CCDC171: variants seen among roughly 807,000 people sequenced by gnomAD.
The protein encoded by CCDC171 is coiled-coil domain-containing protein 171.
In CCDC171, 177 loss-of-function variants were observed where a neutral mutation model predicts 168.2. That is an observed-to-expected ratio of 1.05 (90% CI 0.93 to 1.19). The LOEUF is 1.19. Among genes scored for constraint, CCDC171 ranks in the 50% most tolerant of loss-of-function variants. The pLI is 0.00. For missense variants in CCDC171, 1,991 were observed against 1,539.0 expected (o/e 1.29, Z -4.91); for synonymous variants, 687 against 540.8 (o/e 1.27, Z -3.75).
At chr9:15,965,904 G>T (rs75977270) in intron 25 of CCDC171, among the ~76,000 whole-genome samples, 68 of 152,228 alleles carry the variant, frequency 4.5e-4, no homozygotes, top group African/African-American at 1.6e-3. Flanking sequence ...ATTAATCTTT[G>T]CTAAATCTAA....
intron 25 of CCDC171, among the ~76,000 whole-genome samples, chr9:15,940,954 C>T (rs115845224): frequency 9.1e-4 from 139 of 152,044 alleles, no homozygotes; most frequent in African/African-American, 3.1e-3. Context: ...CTGGTAGTTC[C>T]CACGACTGTA....
At chr9:15,639,276 T>C (rs2046418498) in intron 7 of CCDC171, among the ~76,000 whole-genome samples, 1 of 152,086 alleles carries the variant, frequency 6.6e-6, no homozygotes, top group Non-Finnish European at 1.5e-5. Context: ...TCACCTGTGT[T>C]ATACAGTCAT....
chr9:15,758,983 T>TA lies in CCDC171; in HGVS notation c.2671+13353dup, dbSNP rs527769918. ...TATCAGCAGTGTGAAAACAGACTAA[T>TA]ACAGTGGCCTCCAGCTGCATCCATG... On this transcript the variant is annotated intron_variant, in intron 18 of 25. Transcript: ENST00000380701. 2.8e-3 allele frequency among the ~76,000 whole-genome samples: 419 copies of TA among 152,330 alleles called. 2 individuals carry two copies. Among genetic ancestry groups the TA allele is most frequent in the African/African-American group, 9.5e-3 (393 of 41,572 alleles).
At chr9:15,626,831 A>C (rs188244473) in intron 7 of CCDC171, among the ~76,000 whole-genome samples, 2 of 152,334 alleles carry the variant, frequency 1.3e-5, no homozygotes, top group East Asian at 3.8e-4. Context: ...CTGGCCTCAT[A>C]AAATGACTTA....
At chr9:16,012,311 A>C (rs1026468421) in intron 3 of CCDC171, among the ~76,000 whole-genome samples, 1 of 152,150 alleles carries the variant, frequency 6.6e-6, no homozygotes, top group Non-Finnish European at 1.5e-5. Flanking sequence ...GTAGGGATCT[A>C]TCTGGGCACG....
At chr9:16,026,808 C>T (rs942570799) in intron 6 of CCDC171, among the ~76,000 whole-genome samples, 4 of 152,174 alleles carry the variant, frequency 2.6e-5, no homozygotes, top group African/African-American at 7.2e-5. Context: ...AAAGCATTCA[C>T]AAAAATGTTT....
intron 25 of CCDC171, among the ~76,000 whole-genome samples, chr9:15,969,042 C>T (rs1379359971): frequency 3.3e-5 from 5 of 152,180 alleles, no homozygotes; most frequent in Admixed American, 6.5e-5. Context: ...CTCTGTCTCT[C>T]TTTTTCATCT....
chr9:15,977,246 T>C (rs533059856), downstream of CCDC171, among the ~76,000 whole-genome samples: 3 of 152,326 alleles, frequency 2.0e-5, no homozygotes, highest in African/African-American at 7.2e-5. Context: ...GCATAATCTT[T>C]TTTAGTTATT....
chr9:15,681,108 A>C (rs1402845635), intron 10 of CCDC171, among the ~76,000 whole-genome samples: 3 of 152,124 alleles, frequency 2.0e-5, no homozygotes, highest in Non-Finnish European at 4.4e-5. Flanking sequence ...TGCAAGTGGC[A>C]GCTCACCAGC....
intron 23 of CCDC171, among the ~76,000 whole-genome samples, chr9:15,856,808 C>T (rs1045220805): frequency 6.6e-6 from 1 of 152,002 alleles, no homozygotes; most frequent in African/African-American, 2.4e-5. Context: ...ATCTGCACCA[C>T]TTTACATTCC....
the CCDC171 span, among the ~76,000 whole-genome samples, chr9:16,082,989 G>A: frequency 6.6e-6 from 1 of 152,194 alleles, no homozygotes; most frequent in African/African-American, 2.4e-5. Flanking sequence ...GACTAAGTGT[G>A]TGTAATGGCA....
chr9:15,555,178 C>T (rs1268161334), intron 1 of CCDC171, among the ~76,000 whole-genome samples: 5 of 152,132 alleles, frequency 3.3e-5, no homozygotes, highest in Non-Finnish European at 7.4e-5. Context: ...ACCCTTTTAT[C>T]TATTTTTAAA....
chr9:15,822,738 G>A (rs1021383878), intron 21 of CCDC171, among the ~76,000 whole-genome samples: 1 of 152,154 alleles, frequency 6.6e-6, no homozygotes, highest in Non-Finnish European at 1.5e-5. Flanking sequence ...CTGTTGGTGG[G>A]ACTGTAAACT....
Position 15,744,474 on chromosome 9 carries a change from CAG to C in CCDC171, c.2257_2258del (p.Asp753PhefsTer10). On this transcript the variant is annotated frameshift_variant, in exon 17 of 26. Transcript: ENST00000380701. LOFTEE classifies it high-confidence loss of function. ...LYSRSCALST[Q>X]RDFLQEQVNT... ...TAGCCGATCATGCGCCTTGTCTACA[CAG>C]AGAGATTTTCTCCAGGAGCAGGTCA... 6.2e-7 allele frequency: 1 copy of C among 1,614,142 alleles called. No homozygotes were observed. Among genetic ancestry groups the C allele is most frequent in the Non-Finnish European group, 8.5e-7 (1 of 1,180,006 alleles).
chr9:15,699,818 C>G (rs1187039155), intron 11 of CCDC171, among the ~76,000 whole-genome samples: 2 of 151,968 alleles, frequency 1.3e-5, no homozygotes, highest in African/African-American at 4.8e-5. Context: ...TACAGAGTGA[C>G]GATTGGTGCA....
chr9:15,978,633 G>A (rs1328265), downstream of CCDC171, among the ~76,000 whole-genome samples: 74,887 of 151,972 alleles, frequency 0.49, 19,760 homozygotes, highest in African/African-American at 0.7. Flanking sequence ...AAAATTGGCA[G>A]TCACCCTTTG....
At chr9:15,693,922 C>G (rs2051014390) in intron 10 of CCDC171, among the ~76,000 whole-genome samples, 1 of 151,956 alleles carries the variant, frequency 6.6e-6, no homozygotes, top group Non-Finnish European at 1.5e-5. Context: ...ATCTCTCACT[C>G]AAGAAAAAAA....
chr9:16,100,297 T>G, the CCDC171 span, among the ~76,000 whole-genome samples: 1 of 152,216 alleles, frequency 6.6e-6, no homozygotes, highest in Non-Finnish European at 1.5e-5. Context: ...TAAATCACTC[T>G]CCCCACTCAG....
chr9:15,837,343 G>C (rs1041689911), intron 21 of CCDC171, among the ~76,000 whole-genome samples: 14 of 152,146 alleles, frequency 9.2e-5, no homozygotes, highest in Admixed American at 2.0e-4. Context: ...TGGTTACAGA[G>C]GGATCAGAAG....
Sources: allele counts gnomAD v4.1 joint callset (sites outside exome capture counted in the v4.1 genomes callset), GRCh38; gene constraint gnomAD v4.1.1; transcripts MANE v1.5; gene names NCBI Gene and HGNC (gene_info 2026-07-23, HGNC 2026-07-21).